Variants in GNL3L observed in about 807,000 individuals in gnomAD.
The protein encoded by GNL3L is guanine nucleotide-binding protein-like 3-like protein.
A neutral mutation model predicts 42.9 loss-of-function variants in GNL3L; 4 were observed. The ratio of observed to expected loss-of-function variants is 0.09; its 90% CI spans 0.05 to 0.21. The LOEUF (loss-of-function observed/expected upper bound fraction) is 0.21. Ranked by LOEUF, GNL3L falls within the 10% of genes least tolerant of loss-of-function variation. The pLI is 1.00. For synonymous variants in GNL3L, 159 were observed against 176.3 expected, an observed-to-expected ratio of 0.90 and a Z score of 0.78; for missense variants, 412 against 481.7, an observed-to-expected ratio of 0.86 and a Z score of 1.36.
intron 16 of GNL3L, among the ~76,000 whole-genome samples, chrX:54,609,440 G>A (rs954903716): frequency 4.5e-5 from 5 of 112,306 alleles, no homozygotes; most frequent in Non-Finnish European, 9.4e-5. Flanking sequence ...ATGTCTAGAA[G>A]GGTTTTTCCG....
downstream of GNL3L, among the ~76,000 whole-genome samples, chrX:54,623,426 G>A (rs748829329): frequency 7.2e-5 from 8 of 111,151 alleles, no homozygotes; most frequent in South Asian, 1.5e-3. Flanking sequence ...CACTACACCC[G>A]GCTAATTTTT....
intron 16 of GNL3L, among the ~76,000 whole-genome samples, chrX:54,614,673 G>A (rs1243137781): frequency 1.8e-5 from 2 of 111,467 alleles, no homozygotes; most frequent in Non-Finnish European, 1.9e-5. Flanking sequence ...AACTTGTCCT[G>A]CAAACAGAAC....
At chrX:54,557,998 C>T (rs1925148550) in intron 14 of GNL3L, among the ~76,000 whole-genome samples, 1 of 110,889 alleles carries the variant, frequency 9.0e-6, no homozygotes, top group African/African-American at 3.3e-5. Context: ...ATTCTCTTGC[C>T]TCAGCCTCCC....
rs768662560 is a variant in GNL3L at position 54,548,254 on chromosome X, A to T, written c.656A>T (p.Gln219Leu). The T allele has an allele frequency of 8.3e-7, 1 of 1,204,020 alleles. No homozygotes were observed. The highest frequency in any genetic ancestry group is 1.1e-6 in the Non-Finnish European group (1 of 888,640). The change falls in exon 9 of 16, where the codon CAG (glutamine) becomes CTG (leucine). Residue 219 changes from glutamine (Q) to leucine (L), a missense_variant. By Grantham distance (113) the Gln-to-Leu change is moderately radical. Coordinates refer to ENST00000360845, the MANE Select transcript of GNL3L (RefSeq NM_001184819.2). ...AATCGTTGCAGTGTGCCAGTAGATC[A>T]GGCCTCTGAGTCACTGCTGAAAAGC... ...NLNRCSVPVD[Q>L]ASESLLKSKA...
intron 2 of GNL3L, among the ~76,000 whole-genome samples, chrX:54,538,185 G>T (rs777853150): frequency 9.0e-6 from 1 of 110,876 alleles, no homozygotes; most frequent in Non-Finnish European, 1.9e-5. Context: ...AGCAAGAGTC[G>T]GTCTCAAAAT....
chrX:54,582,893 A>G (rs1925735535), intron 16 of GNL3L, among the ~76,000 whole-genome samples: 3 of 111,838 alleles, frequency 2.7e-5, no homozygotes, highest in East Asian at 5.7e-4. Context: ...TCTAGTTTGC[A>G]TTTCTCTAAT....
the GNL3L span, among the ~76,000 whole-genome samples, chrX:54,631,304 G>A: frequency 9.0e-6 from 1 of 110,964 alleles, no homozygotes; most frequent in Non-Finnish European, 1.9e-5. Flanking sequence ...TTTCTGTCTT[G>A]ATGACCTGTC....
In GNL3L at chrX:54,560,644, G is replaced by A. The variant is rs944339534; in HGVS notation, c.*42G>A. ...CCCTTCCGCTCCAAGCACCAGTTCC[G>A]GTGGTACGGGGGAATACCAGTGAAA... On this transcript the variant is annotated 3_prime_UTR_variant, in exon 16 of 16. Coordinates refer to ENST00000360845, the MANE Select transcript of GNL3L (RefSeq NM_001184819.2). 3 of 757,251 alleles carry A rather than the reference G, an allele frequency of 4.0e-6. No homozygotes were observed. The highest frequency in any genetic ancestry group is 2.2e-5 in the Admixed American group (1 of 45,051). 62.4% of individuals were successfully genotyped at this position (757,251 alleles called of 1,213,427 possible). A position where few individuals can be genotyped will look rare whatever the true frequency, so the allele number is the denominator to read the frequency against.
intron 16 of GNL3L, among the ~76,000 whole-genome samples, chrX:54,612,072 A>G (rs896893963): frequency 8.9e-6 from 1 of 111,815 alleles, no homozygotes; most frequent in African/African-American, 3.3e-5. Context: ...TCTTAGGTCT[A>G]TTAGTAATTG....
At chrX:54,608,545 A>G (rs780988440) in intron 16 of GNL3L, among the ~76,000 whole-genome samples, 112 of 106,082 alleles carry the variant, frequency 1.1e-3, no homozygotes, top group African/African-American at 3.7e-3. Flanking sequence ...CCATCGTATC[A>G]TTCTTATGCC....
chrX:54,558,354 G>T, intron 14 of GNL3L, 82 bp from the exon 15 acceptor site: 1 of 685,830 alleles, frequency 1.5e-6, no homozygotes, highest in Non-Finnish European at 2.3e-6. Flanking sequence ...ACCCAAGCCT[G>T]TGTCCCTACC....
chrX:54,642,892 A>G, the GNL3L span, among the ~76,000 whole-genome samples: 1 of 112,225 alleles, frequency 8.9e-6, no homozygotes, highest in South Asian at 3.7e-4. Context: ...AAGTTCAATC[A>G]ATATTTGTAG....
At chrX:54,569,947 C>T (rs1332625857), downstream of GNL3L, among the ~76,000 whole-genome samples, 3 of 111,682 alleles carry the variant, frequency 2.7e-5, no homozygotes, top group Non-Finnish European at 5.7e-5. Flanking sequence ...TATGTTAAAA[C>T]ATATCAAAAC....
Position 54,561,535 on chromosome X carries a change from G to A in GNL3L, c.*933G>A, listed in dbSNP as rs1260225575. On this transcript the variant is annotated 3_prime_UTR_variant, in exon 16 of 16. Coordinates refer to ENST00000360845, the MANE Select transcript of GNL3L (RefSeq NM_001184819.2). ...GTGTGGTAGGCACTACCCTGTTTGCGTGAAGAGAAAACAAAGCACCTGTTA... is the reference window on the plus strand; with the variant it reads ...GTGTGGTAGGCACTACCCTGTTTGCATGAAGAGAAAACAAAGCACCTGTTA... Among the ~76,000 whole-genome samples, 1 of 112,360 alleles carries A rather than the reference G, an allele frequency of 8.9e-6. No individual in the cohort carries two copies. The highest frequency in any genetic ancestry group is 2.8e-4 in the East Asian group (1 of 3,556).
intron 16 of GNL3L, among the ~76,000 whole-genome samples, chrX:54,597,686 T>C (rs746765084): frequency 4.5e-5 from 5 of 111,594 alleles, no homozygotes; most frequent in Non-Finnish European, 7.5e-5. Flanking sequence ...CAGAACACTT[T>C]AGCCATGGTG....
chrX:54,593,078 T>C (rs1049110092), intron 16 of GNL3L, among the ~76,000 whole-genome samples: 1 of 111,596 alleles, frequency 9.0e-6, no homozygotes, highest in Admixed American at 9.5e-5. Flanking sequence ...CCTATAGTGT[T>C]TTTTTCTATT....
At chrX:54,636,843 G>A in the GNL3L span, among the ~76,000 whole-genome samples, 1 of 111,907 alleles carries the variant, frequency 8.9e-6, no homozygotes, top group Non-Finnish European at 1.9e-5. Flanking sequence ...ACACATGCAT[G>A]TGTCTTTTTA....
At chrX:54,540,297 G>A (rs753227956) in intron 4 of GNL3L, 55 bp downstream of exon 4, 5 of 774,946 alleles carry the variant, frequency 6.5e-6, no homozygotes, top group African/African-American at 6.1e-5. Flanking sequence ...TGCCAGGTCC[G>A]CAGAAGTGTT....
intron 8 of GNL3L, 57 bp from the exon 9 acceptor site, chrX:54,548,172 C>G: frequency 9.3e-7 from 1 of 1,070,800 alleles, no homozygotes; most frequent in East Asian, 3.1e-5. Context: ...GAAATCTGGG[C>G]TCAGACCTCA....
Sources: gnomAD v4.1 joint callset for allele counts (sites outside exome capture counted in the v4.1 genomes callset) on GRCh38, gnomAD v4.1.1 for gene constraint, MANE v1.5 for transcripts, NCBI Gene and HGNC (gene_info 2026-07-23, HGNC 2026-07-21) for gene names.